Variants in ASAH2 observed in about 807,000 individuals in gnomAD.
The protein encoded by ASAH2 is neutral ceramidase.
Under a neutral mutation model 82.9 loss-of-function variants are expected in ASAH2, and 58 were observed. The ratio of observed to expected loss-of-function variants is 0.70; its 90% CI spans 0.57 to 0.87. ASAH2 has a LOEUF of 0.87. Among genes scored for constraint, ASAH2 ranks in the 40% least tolerant of loss-of-function variants. The pLI is 0.00. For synonymous variants in ASAH2, 276 were observed against 289.7 expected, an observed-to-expected ratio of 0.95 and a Z score of 0.48; for missense variants, 779 against 834.0, an observed-to-expected ratio of 0.93 and a Z score of 0.81.
chr10:50,205,933 T>G, intron 13 of ASAH2, 49 bp downstream of exon 13: 2 of 1,398,428 alleles, frequency 1.4e-6, no homozygotes, highest in South Asian at 2.3e-5. Flanking sequence ...GTTCACATAT[T>G]TAAAAATAAC....
At chr10:50,206,186 T>C in intron 12 of ASAH2, 89 bp from the exon 13 acceptor site, 3 of 976,936 alleles carry the variant, frequency 3.1e-6, no homozygotes, top group Admixed American at 3.5e-5. Context: ...AATAATCTTT[T>C]AAGGAGTTTC....
At chr10:50,198,030 G>A (rs183669211) in intron 17 of ASAH2, among the ~76,000 whole-genome samples, 110 of 151,824 alleles carry the variant, frequency 7.2e-4, no homozygotes, top group African/African-American at 2.6e-3. Context: ...ATTAAAATAT[G>A]TGCAAAGAAA....
chr10:50,185,401 A>G lies in ASAH2; in HGVS notation c.*1914T>C. The G allele has an allele frequency of 8.7e-6, 1 of 114,344 alleles. No homozygotes were observed. The highest frequency in any genetic ancestry group is 8.7e-5 in the Admixed American group (1 of 11,560). 7.1% of individuals were successfully genotyped at this position (114,344 alleles called of 1,614,324 possible). A position where few individuals can be genotyped will look rare whatever the true frequency, so the allele number is the denominator to read the frequency against. On this transcript the variant is annotated 3_prime_UTR_variant, in exon 21 of 21. Coordinates refer to ENST00000682911, the MANE Select transcript of ASAH2 (RefSeq NM_019893.4). Reference sequence around the variant, plus strand: ...GTGCTAGGTGCAGTAGGATCAGTAGATGATACAGTGGCCACCTTGGTACAG... The same window carrying G: ...GTGCTAGGTGCAGTAGGATCAGTAGGTGATACAGTGGCCACCTTGGTACAG...
In ASAH2 at chr10:50,233,895, T is replaced by C. The variant is rs933925388; in HGVS notation, c.815+530A>G. On this transcript the variant is annotated intron_variant, in intron 6 of 20. Coordinates refer to ENST00000682911, the MANE Select transcript of ASAH2 (RefSeq NM_019893.4). ...CTCCCTTAGTTTTTCCATTCAAATATGTGGGTTTATTTCTTACTCTTCTGT... is the reference window on the plus strand; with the variant it reads ...CTCCCTTAGTTTTTCCATTCAAATACGTGGGTTTATTTCTTACTCTTCTGT... 1.4e-4 allele frequency among the ~76,000 whole-genome samples: 21 copies of C among 152,260 alleles called. No homozygotes were observed. The South Asian group carries it at 3.9e-3, about 29-fold the overall frequency.
At chr10:50,247,370 GGCCAGGC>G (rs1195429681) in intron 2 of ASAH2, among the ~76,000 whole-genome samples, 7 of 151,492 alleles carry the variant, frequency 4.6e-5, no homozygotes, top group African/African-American at 1.7e-4. Context: ...TTGCCACGTT[GGCCAGGC>G]TGGTCTCAAA....
chr10:50,202,106 G>A (rs1229595765), intron 16 of ASAH2, among the ~76,000 whole-genome samples: 1 of 152,070 alleles, frequency 6.6e-6, no homozygotes, highest in Non-Finnish European at 1.5e-5. Context: ...CTAGAAGGCA[G>A]GGACCTTCAG....
In ASAH2 at chr10:50,202,750, T is replaced by G; in HGVS notation, c.1761+79A>C. On this transcript the variant is annotated intron_variant, in intron 16 of 20. Coordinates refer to ENST00000682911, the MANE Select transcript of ASAH2 (RefSeq NM_019893.4). ...TCTCAGAAACATGACTGGGAAAGTT[T>G]ACAAAGCAAGTCTGCATTTGACACA... 2.9e-6 allele frequency: 3 copies of G among 1,026,616 alleles called. No individual in the cohort carries two copies. The South Asian group carries it at 3.8e-5, about 13-fold the overall frequency. 63.6% of individuals were successfully genotyped at this position (1,026,616 alleles called of 1,614,324 possible). A position where few individuals can be genotyped will look rare whatever the true frequency, so the allele number is the denominator to read the frequency against.
chr10:50,213,043 C>CA lies in ASAH2; in HGVS notation c.1155dup (p.Ala386CysfsTer2), dbSNP rs1845501254. ...AACATATCCTGTCCAGGTCCCTTAGCAATGCACATGCTAGGCTGGAACAAA... is the reference window on the plus strand; with the variant it reads ...AACATATCCTGTCCAGGTCCCTTAGCAAATGCACATGCTAGGCTGGAACAAA... On this transcript the variant is annotated frameshift_variant, in exon 10 of 21. Transcript: ENST00000682911. LOFTEE classifies it high-confidence loss of function. 1 of 1,613,400 alleles carries CA rather than the reference C, an allele frequency of 6.2e-7. No individual in the cohort carries two copies. The highest frequency in any genetic ancestry group is 1.3e-5 in the African/African-American group (1 of 74,910).
intron 7 of ASAH2, among the ~76,000 whole-genome samples, chr10:50,231,117 A>T (rs2842120): frequency 0.91 from 139,038 of 152,030 alleles, 64,914 homozygotes; most frequent in East Asian, 1. Context: ...AGCCAAGAGT[A>T]AAATAGAAAC....
chr10:50,227,867 G>C (rs1163612050), intron 7 of ASAH2, among the ~76,000 whole-genome samples: 1 of 152,118 alleles, frequency 6.6e-6, no homozygotes, highest in Non-Finnish European at 1.5e-5. Context: ...GCAGGGGAGA[G>C]GGGTGAACCT....
At position 50,214,619 on chromosome 10, in the gene ASAH2, T is replaced by C. The variant is rs1193567221; in HGVS notation, c.1140+124A>G. The C allele has an allele frequency of 5.0e-6, 6 of 1,188,824 alleles. No homozygotes were observed. In the African/African-American group the frequency reaches 6.0e-5, roughly 12 times the overall value. 73.6% of individuals were successfully genotyped at this position (1,188,824 alleles called of 1,614,324 possible). A position where few individuals can be genotyped will look rare whatever the true frequency, so the allele number is the denominator to read the frequency against. On this transcript the variant is annotated intron_variant, in intron 9 of 20. Transcript: ENST00000682911. ...GACAGGTGCTTTTGAGAAGAGCAGATGCTAGGGAGAACTAGGCCAGTGTAT... is the reference window on the plus strand; with the variant it reads ...GACAGGTGCTTTTGAGAAGAGCAGACGCTAGGGAGAACTAGGCCAGTGTAT...
chr10:50,243,690 G>A (rs959953765), intron 3 of ASAH2, among the ~76,000 whole-genome samples: 1 of 152,092 alleles, frequency 6.6e-6, no homozygotes, highest in Non-Finnish European at 1.5e-5. Flanking sequence ...AGATCTTTCT[G>A]GCCTTTCTGG....
chr10:50,233,451 C>A (rs1846065560), intron 6 of ASAH2, among the ~76,000 whole-genome samples, 190 bp from the exon 7 acceptor site: 1 of 152,046 alleles, frequency 6.6e-6, no homozygotes. Flanking sequence ...CAATTGCGAT[C>A]AAAGTTTGGG....
chr10:50,229,414 G>T (rs1845972382), intron 7 of ASAH2, among the ~76,000 whole-genome samples: 1 of 152,102 alleles, frequency 6.6e-6, no homozygotes, highest in African/African-American at 2.4e-5. Flanking sequence ...AGATTTTTCT[G>T]ACATAGAGCA....
chr10:50,189,280 T>C (rs1844834298), intron 20 of ASAH2, among the ~76,000 whole-genome samples: 1 of 141,546 alleles, frequency 7.1e-6, no homozygotes, highest in Admixed American at 6.8e-5. Context: ...CATAACCTCA[T>C]TAGCACCTAA....
In ASAH2 at chr10:50,185,648, A is replaced by G. The variant is rs1417337163; in HGVS notation, c.*1667T>C. On this transcript the variant is annotated 3_prime_UTR_variant, in exon 21 of 21. Coordinates refer to ENST00000682911, the MANE Select transcript of ASAH2 (RefSeq NM_019893.4). ...CTTTTACACTGAAGACTGTGGCATC[A>G]TCAGAAAAAAGATCACAACACTTGG... The G allele has an allele frequency of 8.9e-6, 1 of 111,992 alleles. No individual in the cohort carries two copies. The highest frequency in any genetic ancestry group is 3.6e-5 in the African/African-American group (1 of 27,670). The allele number at this position is 111,992 out of a possible 1,614,324, so 6.9% of individuals were successfully genotyped here.
Position 50,197,401 on chromosome 10 carries a change from A to T in ASAH2, c.1858-482T>A, listed in dbSNP as rs1845015052. ...ATATATTTTTAATTTAAAATTTAAG[A>T]TCATCCCACATCCTGACTGGTTTAA... On this transcript the variant is annotated intron_variant, in intron 17 of 20. Coordinates refer to ENST00000682911, the MANE Select transcript of ASAH2 (RefSeq NM_019893.4). Among the ~76,000 whole-genome samples the T allele has an allele frequency of 2.0e-5, 3 of 151,390 alleles. No homozygotes were observed. In the South Asian group the frequency reaches 6.3e-4, roughly 32 times the overall value.
chr10:50,200,540 C>A (rs1845115370), intron 16 of ASAH2, among the ~76,000 whole-genome samples: 2 of 151,962 alleles, frequency 1.3e-5, no homozygotes, highest in Non-Finnish European at 2.9e-5. Context: ...CTGAACAGTC[C>A]CAGTCCTCAA....
chr10:50,246,251 T>C (rs563047816), intron 2 of ASAH2, among the ~76,000 whole-genome samples: 5 of 152,262 alleles, frequency 3.3e-5, no homozygotes, highest in Admixed American at 3.3e-4. Context: ...GCAAATCACT[T>C]AGCCTATTTC....
Sources: allele counts gnomAD v4.1 joint callset (sites outside exome capture counted in the v4.1 genomes callset), GRCh38; gene constraint gnomAD v4.1.1; transcripts MANE v1.5; gene names NCBI Gene and HGNC (gene_info 2026-07-23, HGNC 2026-07-21).